Variants in LARGE1 observed in about 807,000 individuals in gnomAD.
LARGE1 encodes LARGE xylosyl- and glucuronyltransferase 1.
In LARGE1, 43 loss-of-function variants were observed where a neutral mutation model predicts 87.6. That is an observed-to-expected ratio of 0.49 (90% CI 0.38 to 0.63). The LOEUF (loss-of-function observed/expected upper bound fraction) is 0.63. Ranked by LOEUF, LARGE1 falls within the 30% of genes least tolerant of loss-of-function variation. The pLI is 0.00. For missense variants in LARGE1, 802 were observed against 1,000.2 expected (o/e 0.80, Z 2.67); for synonymous variants, 434 against 394.6 (o/e 1.10, Z -1.18).
chr22:33,394,294 G>A (rs2065642550), intron 7 of LARGE1, among the ~76,000 whole-genome samples: 1 of 151,288 alleles, frequency 6.6e-6, no homozygotes, highest in African/African-American at 2.4e-5. Context: ...TGCCTCCCAG[G>A]TTCAAGTGAT....
rs568118779 is a variant in LARGE1, at chr22:33,854,575, C to T, written c.-83+65420G>A. On this transcript the variant is annotated intron_variant, in intron 1 of 14. Coordinates refer to ENST00000397394, the MANE Select transcript of LARGE1 (RefSeq NM_133642.5). ...AGAGAGCACTTGATAAATTCCAAAG[C>T]AAGTAAAAATAAGACATTATGAAGA... 4.6e-5 allele frequency among the ~76,000 whole-genome samples: 7 copies of T among 151,874 alleles called. No homozygotes were observed. The South Asian group carries it at 1.5e-3, about 32-fold the overall frequency.
chr22:33,772,948 T>C (rs2085118669), intron 1 of LARGE1, among the ~76,000 whole-genome samples: 1 of 152,138 alleles, frequency 6.6e-6, no homozygotes, highest in Non-Finnish European at 1.5e-5. Context: ...AAAACAAAGG[T>C]CCAGCAACTA....
chr22:33,226,091 A>C (rs1315321493), intron 11 of LARGE1, among the ~76,000 whole-genome samples: 1 of 152,228 alleles, frequency 6.6e-6, no homozygotes, highest in African/African-American at 2.4e-5. Context: ...GGACTGGTAC[A>C]TTGAATAGTA....
chr22:33,404,668 CCAG>C (rs1029130415), intron 7 of LARGE1, among the ~76,000 whole-genome samples: 53 of 152,198 alleles, frequency 3.5e-4, no homozygotes, highest in African/African-American at 1.3e-3. Context: ...AGAACTAAAT[CCAG>C]CTTTCTCGTG....
In LARGE1 at chr22:33,566,506, A is replaced by T. The variant is rs2078030090; in HGVS notation, c.616-1487T>A. On this transcript the variant is annotated intron_variant, in intron 5 of 14. Transcript: ENST00000397394. ...GGGGGTTCTTGGTCTCGCTGACTTC[A>T]AGAGTGAAGCTGTGGACCTTTGTGG... Among the ~76,000 whole-genome samples, 5 of 152,186 alleles carry T rather than the reference A, an allele frequency of 3.3e-5. 1 individual carries two copies. In the South Asian group the frequency reaches 1.0e-3, roughly 32 times the overall value.
At chr22:33,648,386 C>A (rs1412590676) in intron 3 of LARGE1, among the ~76,000 whole-genome samples, 1 of 152,078 alleles carries the variant, frequency 6.6e-6, no homozygotes, top group Non-Finnish European at 1.5e-5. Context: ...TTTTCCCCTC[C>A]TCGATTCTTA....
rs114978018 is a variant in LARGE1, at chr22:33,823,241, C to T, written c.-82-61683G>A. Among the ~76,000 whole-genome samples, 818 of 152,306 alleles carry T rather than the reference C, an allele frequency of 5.4e-3. 2 individuals carry two copies. The highest frequency in any genetic ancestry group is 0.019 in the African/African-American group (790 of 41,568). ...ACACAGACCATAGCACATACCTTGGCTGCCCAAAGGCTGTGTGTCTGTGTG... is the reference window on the plus strand; with the variant it reads ...ACACAGACCATAGCACATACCTTGGTTGCCCAAAGGCTGTGTGTCTGTGTG... On this transcript the variant is annotated intron_variant, in intron 1 of 14. Coordinates refer to ENST00000397394, the MANE Select transcript of LARGE1 (RefSeq NM_133642.5).
chr22:33,816,115 G>A (rs2086639914), intron 1 of LARGE1, among the ~76,000 whole-genome samples: 1 of 152,138 alleles, frequency 6.6e-6, no homozygotes, highest in Non-Finnish European at 1.5e-5. Context: ...AGAGTGATGG[G>A]AACTCCAGGC....
At chr22:33,656,058 AGT>A (rs3072285) in intron 2 of LARGE1, among the ~76,000 whole-genome samples, 69,150 of 150,152 alleles carry the variant, frequency 0.46, 15,915 homozygotes, top group South Asian at 0.58. Flanking sequence ...CATAAGCATG[AGT>A]GTGTGTGTGT....
At chr22:33,824,502 C>A (rs555996591) in intron 1 of LARGE1, among the ~76,000 whole-genome samples, 1 of 152,000 alleles carries the variant, frequency 6.6e-6, no homozygotes, top group Non-Finnish European at 1.5e-5. Flanking sequence ...TCCCTCCAAG[C>A]CCCTCCTCCA....
chr22:33,892,620 G>A (rs989785495), intron 1 of LARGE1, among the ~76,000 whole-genome samples: 1 of 152,162 alleles, frequency 6.6e-6, no homozygotes, highest in African/African-American at 2.4e-5. Flanking sequence ...CTGAATAAAT[G>A]AACAAATGAA....
intron 6 of LARGE1, among the ~76,000 whole-genome samples, chr22:33,490,957 T>C (rs193072494): frequency 5.8e-4 from 89 of 152,320 alleles, no homozygotes; most frequent in African/African-American, 1.8e-3. Context: ...TGCCTACATG[T>C]TCTCTGAGAG....
chr22:33,598,367 G>C (rs1240781397), intron 5 of LARGE1, among the ~76,000 whole-genome samples: 1 of 152,194 alleles, frequency 6.6e-6, no homozygotes, highest in Non-Finnish European at 1.5e-5. Context: ...CATGAGAAAT[G>C]AAGTAAATGA....
chr22:33,682,892 G>T (rs972399437), intron 2 of LARGE1, among the ~76,000 whole-genome samples: 3 of 152,204 alleles, frequency 2.0e-5, no homozygotes, highest in African/African-American at 7.2e-5. Flanking sequence ...AGGGAACAAA[G>T]CCAGTGGTCC....
chr22:33,857,729 C>T (rs527524506), intron 1 of LARGE1, among the ~76,000 whole-genome samples: 2 of 152,262 alleles, frequency 1.3e-5, no homozygotes, highest in South Asian at 2.1e-4. Flanking sequence ...AAATGACTAG[C>T]CTCCAGGAAA....
chr22:33,764,527 G>A (rs550610688), intron 1 of LARGE1, among the ~76,000 whole-genome samples: 6 of 152,100 alleles, frequency 3.9e-5, no homozygotes, highest in Non-Finnish European at 8.8e-5. Context: ...GGAGGCCGAG[G>A]TGGGCAGATC....
At chr22:33,665,656 G>A (rs1220160457) in intron 2 of LARGE1, among the ~76,000 whole-genome samples, 5 of 152,164 alleles carry the variant, frequency 3.3e-5, no homozygotes, top group African/African-American at 1.2e-4. Context: ...ACTTTGGGAG[G>A]CTGAGGCAGG....
At chr22:33,436,161 C>T (rs2067264408) in intron 6 of LARGE1, among the ~76,000 whole-genome samples, 2 of 152,216 alleles carry the variant, frequency 1.3e-5, no homozygotes, top group South Asian at 2.1e-4. Context: ...GCTGCGTAGC[C>T]GTGAAAAAAA....
chr22:33,598,947 A>G (rs1427268449), intron 5 of LARGE1, among the ~76,000 whole-genome samples: 2 of 152,216 alleles, frequency 1.3e-5, no homozygotes, highest in East Asian at 3.9e-4. Context: ...AGGAATTGCC[A>G]CACTGTCTTC....
Sources: allele counts gnomAD v4.1 joint callset (sites outside exome capture counted in the v4.1 genomes callset), GRCh38; gene constraint gnomAD v4.1.1; transcripts MANE v1.5; gene names NCBI Gene and HGNC (gene_info 2026-07-23, HGNC 2026-07-21).